The following DNAH7 variants were observed in gnomAD, a reference collection of about 807,000 sequenced individuals.
DNAH7 encodes the protein dynein axonemal heavy chain 7.
In DNAH7, 397 loss-of-function variants were observed where a neutral mutation model predicts 444.6. The ratio of observed to expected loss-of-function variants is 0.89; its 90% CI spans 0.82 to 0.97. The LOEUF is 0.97. Among genes scored for constraint, DNAH7 ranks in the 50% least tolerant of loss-of-function variants. The probability of loss-of-function intolerance (pLI) is 0.00; values close to 1 mark genes in which losing one functional copy is unlikely to be tolerated. For synonymous variants in DNAH7, 1,636 were observed against 1,624.4 expected, an observed-to-expected ratio of 1.01 and a Z score of -0.17; for missense variants, 4,902 against 4,800.8, an observed-to-expected ratio of 1.02 and a Z score of -0.62.
In DNAH7 at chr2:195,787,154, C is replaced by G; in HGVS notation, c.10734G>C (p.Leu3578Phe). ...CATGAAAGAAACACAGGCCATAAAGCAATTTCTTGAATTCCTCCTGTAATG... is the reference window on the plus strand; with the variant it reads ...CATGAAAGAAACACAGGCCATAAAGGAATTTCTTGAATTCCTCCTGTAATG... Reference protein sequence around the residue: ...SCKKPEEFKKLLYGLCFFHAL... With the variant: ...SCKKPEEFKKFLYGLCFFHAL... Residue 3578 changes from leucine (L) to phenylalanine (F), a missense_variant, in exon 58 of 65, where the codon TTG becomes TTC. Coordinates refer to ENST00000312428, the MANE Select transcript of DNAH7 (RefSeq NM_018897.3). The G allele has an allele frequency of 6.2e-7, 1 of 1,600,218 alleles. No homozygotes were observed. The highest frequency in any genetic ancestry group is 8.5e-7 in the Non-Finnish European group (1 of 1,176,388).
Position 195,926,704 on chromosome 2 carries a change from C to T in DNAH7, c.3472-138G>A, listed in dbSNP as rs553581575. 104 of 680,644 alleles carry T rather than the reference C, an allele frequency of 1.5e-4. 1 individual carries two copies. The African/African-American group carries it at 1.8e-3, about 12-fold the overall frequency. The allele number at this position is 680,644 out of a possible 1,614,324, so 42.2% of individuals were successfully genotyped here. ...GACATTTATGCAAGACTCACTTAAA[C>T]CGTGTGATTACAACTAATTATATTC... On this transcript the variant is annotated intron_variant, in intron 21 of 64. Transcript: ENST00000312428.
chr2:195,773,016 G>A (rs1027968608), intron 60 of DNAH7, among the ~76,000 whole-genome samples: 4 of 151,988 alleles, frequency 2.6e-5, no homozygotes, highest in African/African-American at 9.7e-5. Context: ...CCTGGCCTCA[G>A]GTGATCCGCC....
intron 64 of DNAH7, 77 bp from the exon 65 acceptor site, chr2:195,738,204 T>G: frequency 7.7e-7 from 1 of 1,301,034 alleles, no homozygotes; most frequent in East Asian, 2.4e-5. Context: ...TACTATAGTA[T>G]TCTCAGAGTA....
intron 19 of DNAH7, among the ~76,000 whole-genome samples, chr2:195,948,317 T>G: frequency 6.6e-6 from 1 of 152,370 alleles, no homozygotes; most frequent in South Asian, 2.1e-4. Context: ...TTGTCAATTT[T>G]GGCTTGTGTT....
intron 54 of DNAH7, among the ~76,000 whole-genome samples, chr2:195,802,179 T>C (rs1211677661): frequency 1.3e-5 from 2 of 152,214 alleles, no homozygotes; most frequent in Non-Finnish European, 2.9e-5. Context: ...GATGTTATTT[T>C]ATGTTTCAGG....
intron 19 of DNAH7, among the ~76,000 whole-genome samples, chr2:195,952,511 CT>C (rs1690333609): frequency 6.6e-6 from 1 of 152,112 alleles, no homozygotes; most frequent in Non-Finnish European, 1.5e-5. Flanking sequence ...GGATAATATC[CT>C]GAAGAGTGTT....
At chr2:195,857,959 C>T (rs1000393475) in intron 43 of DNAH7, among the ~76,000 whole-genome samples, 2 of 152,084 alleles carry the variant, frequency 1.3e-5, no homozygotes, top group African/African-American at 2.4e-5. Flanking sequence ...TTAAAATATT[C>T]CCCTTTCACA....
chr2:196,056,917 A>G, intron 2 of DNAH7, among the ~76,000 whole-genome samples: 1 of 152,154 alleles, frequency 6.6e-6, no homozygotes, highest in East Asian at 1.9e-4. Context: ...TCCATAAAAG[A>G]TTTAAGACTT....
intron 16 of DNAH7, 63 bp downstream of exon 16, chr2:195,972,179 T>G (rs1691890097): frequency 7.4e-7 from 1 of 1,351,700 alleles, no homozygotes; most frequent in Non-Finnish European, 1.0e-6. Flanking sequence ...TTGACAATGC[T>G]ACATAAAAAG....
In DNAH7 at chr2:195,936,666, GGA is replaced by G; in HGVS notation, c.3203_3204del (p.Phe1068SerfsTer9). On this transcript the variant is annotated frameshift_variant, in exon 20 of 65. Transcript: ENST00000312428. LOFTEE classifies it high-confidence loss of function. ...NEYLEKKRLF[F>X]PRFFFLSNDE... The stretch of plus-strand genomic sequence containing the variant: ...TCATTGGACAAAAAAAAGAATCTGG[GGA>G]AAAAGAGGCGTTTCTTTTCCAAATA... 6.2e-7 allele frequency: 1 copy of G among 1,604,578 alleles called. No homozygotes were observed. The highest frequency in any genetic ancestry group is 8.5e-7 in the Non-Finnish European group (1 of 1,176,730).
At chr2:195,967,486 T>C (rs1352508415) in intron 17 of DNAH7, among the ~76,000 whole-genome samples, 1 of 152,226 alleles carries the variant, frequency 6.6e-6, no homozygotes. Context: ...TTATTGCTCA[T>C]CCTGTTCTTT....
At chr2:196,062,012 C>A (rs985927593) in intron 1 of DNAH7, among the ~76,000 whole-genome samples, 3 of 152,180 alleles carry the variant, frequency 2.0e-5, no homozygotes, top group Admixed American at 6.5e-5. Flanking sequence ...ACCTCCTCAT[C>A]TGTAACCTTC....
At chr2:195,994,769 T>C in intron 12 of DNAH7, 2 of 470,068 alleles carry the variant, frequency 4.3e-6, no homozygotes, top group Non-Finnish European at 8.3e-6. Context: ...AACCTTTGAT[T>C]CTCTGAATCT....
chr2:195,794,161 A>G (rs1235218534), intron 57 of DNAH7, among the ~76,000 whole-genome samples, 177 bp downstream of exon 57: 2 of 152,214 alleles, frequency 1.3e-5, no homozygotes, highest in Non-Finnish European at 2.9e-5. Flanking sequence ...AAATTAAAAT[A>G]AAATATTAAC....
chr2:196,031,920 G>A (rs1696081739), intron 5 of DNAH7, among the ~76,000 whole-genome samples: 1 of 152,132 alleles, frequency 6.6e-6, no homozygotes, highest in Non-Finnish European at 1.5e-5. Context: ...CAGTTCCAAA[G>A]TTGCTTCCAC....
chr2:195,957,995 T>TC (rs1356975645), intron 18 of DNAH7, among the ~76,000 whole-genome samples: 4 of 152,182 alleles, frequency 2.6e-5, no homozygotes, highest in South Asian at 2.1e-4. Flanking sequence ...ATGTTCTTTT[T>TC]CCCCCCTTAA....
chr2:195,983,748 T>C (rs1692724715), intron 15 of DNAH7, among the ~76,000 whole-genome samples: 1 of 152,230 alleles, frequency 6.6e-6, no homozygotes, highest in African/African-American at 2.4e-5. Context: ...TCATAAATTC[T>C]ATGCCTAAAT....
chr2:195,919,530 A>G (rs1278591761), intron 24 of DNAH7, among the ~76,000 whole-genome samples: 24 of 152,032 alleles, frequency 1.6e-4, no homozygotes, highest in Admixed American at 1.6e-3. Context: ...TTTTTAGTAG[A>G]GACAGGTTTT....
chr2:195,842,815 TG>T, intron 47 of DNAH7, among the ~76,000 whole-genome samples: 2 of 152,284 alleles, frequency 1.3e-5, no homozygotes, highest in Middle Eastern at 6.8e-3. Context: ...TTTTGAAATA[TG>T]ACTAGACCCC....
Sources: gnomAD v4.1 joint callset for allele counts (sites outside exome capture counted in the v4.1 genomes callset) on GRCh38, gnomAD v4.1.1 for gene constraint, MANE v1.5 for transcripts, NCBI Gene and HGNC (gene_info 2026-07-23, HGNC 2026-07-21) for gene names.